IRAK2: variants seen among roughly 807,000 people sequenced by gnomAD.
IRAK2 encodes the protein interleukin-1 receptor-associated kinase-like 2.
Under a neutral mutation model 72.0 loss-of-function variants are expected in IRAK2, and 57 were observed. The observed-to-expected ratio is 0.79, with a 90% CI of 0.64 to 0.99. The LOEUF is 0.99. Ranked by LOEUF, IRAK2 falls within the 50% of genes least tolerant of loss-of-function variation. The probability of loss-of-function intolerance (pLI) is 0.00; values close to 1 mark genes in which losing one functional copy is unlikely to be tolerated. For missense variants in IRAK2, 790 were observed against 794.4 expected (o/e 0.99, Z 0.07); for synonymous variants, 293 against 312.7 (o/e 0.94, Z 0.67).
At chr3:10,207,320 A>T (rs745390086) in intron 3 of IRAK2, among the ~76,000 whole-genome samples, 15 of 152,210 alleles carry the variant, frequency 9.9e-5, no homozygotes, top group Non-Finnish European at 1.8e-4. Flanking sequence ...TAAGCCACAA[A>T]TACCTGAAGC....
chr3:10,179,479 G>A (rs969403915), intron 2 of IRAK2, among the ~76,000 whole-genome samples: 5 of 151,710 alleles, frequency 3.3e-5, no homozygotes, highest in Non-Finnish European at 5.9e-5. Flanking sequence ...TGTTGCCCAG[G>A]CTGGAGTGCA....
At chr3:10,174,928 GT>G (rs1696848947) in intron 1 of IRAK2, among the ~76,000 whole-genome samples, 1 of 101,624 alleles carries the variant, frequency 9.8e-6, no homozygotes, top group African/African-American at 4.7e-5. Flanking sequence ...GTTCATGCCT[GT>G]ACCAAAAAAA....
chr3:10,167,477 C>A (rs1035172359), intron 1 of IRAK2, among the ~76,000 whole-genome samples: 1 of 151,546 alleles, frequency 6.6e-6, no homozygotes. Context: ...TGCAGTGGCG[C>A]AATCTCGGCT....
intron 3 of IRAK2, among the ~76,000 whole-genome samples, chr3:10,208,279 A>G (rs1042977744): frequency 2.0e-5 from 3 of 152,018 alleles, no homozygotes; most frequent in African/African-American, 4.8e-5. Context: ...CCTGATTGGC[A>G]TGAGGATTAG....
At chr3:10,239,992 C>CAGAAAAAAAAAAAA (rs1698026999) in intron 12 of IRAK2, among the ~76,000 whole-genome samples, 3 of 144,998 alleles carry the variant, frequency 2.1e-5, no homozygotes, top group African/African-American at 7.7e-5. Flanking sequence ...ACTAAAAATA[C>CAGAAAAAAAAAAAA]AAAAATTAGC....
intron 1 of IRAK2, among the ~76,000 whole-genome samples, chr3:10,173,435 T>G (rs909832502): frequency 5.9e-5 from 9 of 152,200 alleles, no homozygotes; most frequent in Non-Finnish European, 8.8e-5. Context: ...GACCAGCTAT[T>G]ACCTGTCCAT....
chr3:10,186,555 C>T (rs538727365), intron 2 of IRAK2, among the ~76,000 whole-genome samples: 2 of 151,782 alleles, frequency 1.3e-5, no homozygotes, highest in African/African-American at 4.9e-5. Flanking sequence ...GATGGGAAGG[C>T]AGGACTCTTA....
At chr3:10,177,002 C>T (rs1186480087) in intron 1 of IRAK2, among the ~76,000 whole-genome samples, 2 of 152,002 alleles carry the variant, frequency 1.3e-5, no homozygotes, top group African/African-American at 4.8e-5. Flanking sequence ...AGGGTTTCAC[C>T]GTGTTAGCCA....
chr3:10,242,344 C>T lies in IRAK2; in HGVS notation c.*116C>T. On this transcript the variant is annotated 3_prime_UTR_variant, in exon 13 of 13. Transcript: ENST00000256458. ...CAGGAAACACACAACAAAACATCTG[C>T]TGTCCTGGGTGGGAGGGAAACTTCA... The T allele has an allele frequency of 1.7e-6, 1 of 589,722 alleles. No individual in the cohort carries two copies. The highest frequency in any genetic ancestry group is 3.0e-6 in the Non-Finnish European group (1 of 334,024). The allele number at this position is 589,722 out of a possible 1,614,324, so 36.5% of individuals were successfully genotyped here. A position where few individuals can be genotyped will look rare whatever the true frequency, so the allele number is the denominator to read the frequency against.
chr3:10,225,364 G>A (rs186746075), intron 9 of IRAK2, among the ~76,000 whole-genome samples: 1 of 152,256 alleles, frequency 6.6e-6, no homozygotes, highest in Non-Finnish European at 1.5e-5. Context: ...GAGCATATAA[G>A]GAACAGAGTC....
At chr3:10,237,064 C>T (rs1169744996) in intron 11 of IRAK2, among the ~76,000 whole-genome samples, 3 of 152,186 alleles carry the variant, frequency 2.0e-5, no homozygotes, top group Non-Finnish European at 4.4e-5. Flanking sequence ...TGGACACACT[C>T]CCTTTCTTTT....
intron 3 of IRAK2, among the ~76,000 whole-genome samples, chr3:10,205,623 A>G: frequency 6.6e-6 from 1 of 152,154 alleles, no homozygotes; most frequent in East Asian, 1.9e-4. Flanking sequence ...GCAGGATGGA[A>G]CTCAAGTTAG....
At chr3:10,173,216 A>G (rs1289318520) in intron 1 of IRAK2, among the ~76,000 whole-genome samples, 1 of 152,154 alleles carries the variant, frequency 6.6e-6, no homozygotes. Flanking sequence ...AGTAAGCAGC[A>G]GAGACAGGAT....
At chr3:10,187,190 T>C (rs920291323) in intron 2 of IRAK2, among the ~76,000 whole-genome samples, 10 of 147,812 alleles carry the variant, frequency 6.8e-5, no homozygotes, top group African/African-American at 2.7e-4. Flanking sequence ...CTTTGCAGTG[T>C]TAACAAATGT....
At chr3:10,172,895 G>C in intron 1 of IRAK2, among the ~76,000 whole-genome samples, 1 of 149,484 alleles carries the variant, frequency 6.7e-6, no homozygotes, top group East Asian at 2.0e-4. Context: ...CGGCCAGGCT[G>C]GTCTCAAACT....
At chr3:10,206,149 C>T (rs1559446915) in intron 3 of IRAK2, among the ~76,000 whole-genome samples, 1 of 152,188 alleles carries the variant, frequency 6.6e-6, no homozygotes, top group East Asian at 1.9e-4. Context: ...GCGCCATTTC[C>T]GAGGAAGGCT....
intron 2 of IRAK2, among the ~76,000 whole-genome samples, chr3:10,186,398 A>G (rs1038820331): frequency 5.3e-5 from 8 of 151,708 alleles, no homozygotes; most frequent in Non-Finnish European, 4.4e-5. Flanking sequence ...TCACAGCCGA[A>G]GATCCAGCCT....
chr3:10,238,096 A>G (rs980464765), intron 11 of IRAK2, among the ~76,000 whole-genome samples: 2 of 152,076 alleles, frequency 1.3e-5, no homozygotes, highest in South Asian at 4.2e-4. Context: ...AAACTCTTAC[A>G]CACACACACG....
chr3:10,213,720 C>T (rs1444199964), intron 6 of IRAK2, among the ~76,000 whole-genome samples, 172 bp downstream of exon 6: 1 of 152,078 alleles, frequency 6.6e-6, no homozygotes, highest in East Asian at 1.9e-4. Context: ...TAAATTGAGG[C>T]ACAGAGGGGT....
Sources: allele counts gnomAD v4.1 joint callset (sites outside exome capture counted in the v4.1 genomes callset), GRCh38; gene constraint gnomAD v4.1.1; transcripts MANE v1.5; gene names NCBI Gene and HGNC (gene_info 2026-07-23, HGNC 2026-07-21).